PTPRD: variants seen among roughly 807,000 people sequenced by gnomAD.
PTPRD encodes the protein receptor-type tyrosine-protein phosphatase delta.
Under a neutral mutation model 214.5 loss-of-function variants are expected in PTPRD, and 34 were observed. That is an observed-to-expected ratio of 0.16 (90% CI 0.12 to 0.21). PTPRD has a LOEUF of 0.21. PTPRD is among the 10% of genes least tolerant of loss of function. The probability of loss-of-function intolerance (pLI) is 1.00; values close to 1 mark genes in which losing one functional copy is unlikely to be tolerated. For missense variants in PTPRD, 2,545 were observed against 2,398.7 expected, an observed-to-expected ratio of 1.06 and a Z score of -1.27; for synonymous variants, 1,128 against 845.7, an observed-to-expected ratio of 1.33 and a Z score of -5.79.
Position 9,585,771 on chromosome 9 carries a change from T to C in PTPRD, c.-286-10990A>G, listed in dbSNP as rs114634078. ...GGTACTATTTATTTGCAGTTGGCTA[T>C]AGCAAGGGATTCAGCCATGCATCAT... On this transcript the variant is annotated intron_variant, in intron 7 of 45. Transcript: ENST00000381196. Among the ~76,000 whole-genome samples, 1,388 of 152,010 alleles carry C rather than the reference T, an allele frequency of 9.1e-3. 22 individuals carry two copies. The highest frequency in any genetic ancestry group is 0.032 in the African/African-American group (1,317 of 41,414).
At chr9:9,523,635 C>T (rs928740456) in intron 8 of PTPRD, among the ~76,000 whole-genome samples, 1 of 152,064 alleles carries the variant, frequency 6.6e-6, no homozygotes, top group Non-Finnish European at 1.5e-5. Flanking sequence ...CTTTCCAAAG[C>T]AAACTATGAA....
chr9:9,077,707 G>A (rs938607832), intron 10 of PTPRD, among the ~76,000 whole-genome samples: 1 of 151,928 alleles, frequency 6.6e-6, no homozygotes, highest in African/African-American at 2.4e-5. Context: ...GGGGAGGGAG[G>A]AGTAGTCACA....
Position 8,994,236 on chromosome 9 carries a change from A to G in PTPRD, c.-104+24461T>C, listed in dbSNP as rs567638330. Among the ~76,000 whole-genome samples, 11 of 152,204 alleles carry G rather than the reference A, an allele frequency of 7.2e-5. No homozygotes were observed. The East Asian group carries it at 1.7e-3, about 24-fold the overall frequency. On this transcript the variant is annotated intron_variant, in intron 11 of 45. Coordinates refer to ENST00000381196, the MANE Select transcript of PTPRD (RefSeq NM_002839.4). ...AATAACTTGCTTAATTTGACTTTGC[A>G]TTCGTACTGAAATTCTACCAAATAG... is the stretch of plus-strand genomic sequence containing the variant.
At chr9:9,964,411 G>A (rs1020918469) in intron 4 of PTPRD, among the ~76,000 whole-genome samples, 17 of 152,258 alleles carry the variant, frequency 1.1e-4, no homozygotes, top group African/African-American at 3.1e-4. Context: ...GAATGAGAAT[G>A]TTTTCTTTCC....
At chr9:9,084,459 A>T (rs2099764043) in intron 10 of PTPRD, among the ~76,000 whole-genome samples, 1 of 152,118 alleles carries the variant, frequency 6.6e-6, no homozygotes, top group African/African-American at 2.4e-5. Flanking sequence ...TGCAGATGAC[A>T]GGTTGATGGG....
chr9:8,989,376 T>A (rs962031464), intron 11 of PTPRD, among the ~76,000 whole-genome samples: 4 of 152,114 alleles, frequency 2.6e-5, no homozygotes, highest in Admixed American at 2.6e-4. Context: ...CTTTTGCTTC[T>A]CAGCCTCTAG....
intron 8 of PTPRD, among the ~76,000 whole-genome samples, chr9:9,524,938 A>C (rs992619694): frequency 2.0e-5 from 3 of 152,142 alleles, no homozygotes; most frequent in Non-Finnish European, 2.9e-5. Context: ...GCTCACTGCA[A>C]GCTCCGCCTT....
intron 9 of PTPRD, among the ~76,000 whole-genome samples, chr9:9,250,701 C>G (rs986909846): frequency 2.0e-5 from 3 of 151,910 alleles, no homozygotes; most frequent in Non-Finnish European, 2.9e-5. Context: ...CTTTTTGGGA[C>G]TCTGCAATTG....
intron 3 of PTPRD, among the ~76,000 whole-genome samples, chr9:10,192,419 A>T (rs1011456466): frequency 6.9e-6 from 1 of 145,832 alleles, no homozygotes; most frequent in African/African-American, 2.6e-5. Flanking sequence ...GGTAGAAGTC[A>T]AAGTATTGGC....
At chr9:9,526,292 T>C (rs1195241136) in intron 8 of PTPRD, among the ~76,000 whole-genome samples, 3 of 152,194 alleles carry the variant, frequency 2.0e-5, no homozygotes, top group African/African-American at 4.8e-5. Context: ...TTTATGACTA[T>C]TTACATACAC....
chr9:9,818,270 A>C (rs1177380676), intron 5 of PTPRD, among the ~76,000 whole-genome samples: 2 of 152,166 alleles, frequency 1.3e-5, no homozygotes, highest in East Asian at 3.9e-4. Flanking sequence ...TATCCCCTAG[A>C]CAATATTACA....
chr9:8,659,923 T>C (rs1310430063), intron 12 of PTPRD, among the ~76,000 whole-genome samples: 1 of 152,058 alleles, frequency 6.6e-6, no homozygotes, highest in African/African-American at 2.4e-5. Flanking sequence ...GAAGAATAAA[T>C]GTAGAGAGAG....
chr9:9,796,667 G>A (rs796687098), intron 5 of PTPRD, among the ~76,000 whole-genome samples: 16 of 152,252 alleles, frequency 1.1e-4, no homozygotes, highest in African/African-American at 3.8e-4. Flanking sequence ...ATTCAAAAAG[G>A]TAGGCAAGAA....
At position 8,694,733 on chromosome 9, in the gene PTPRD, A is replaced by G. The variant is rs775938753; in HGVS notation, c.64+39047T>C. Among the ~76,000 whole-genome samples, 19 of 152,282 alleles carry G rather than the reference A, an allele frequency of 1.2e-4. 1 individual carries two copies. The highest frequency in any genetic ancestry group is 4.1e-4 in the South Asian group (2 of 4,822). Reference sequence around the variant, plus strand: ...TTTAAGCTGCATATAATAAATACCTATTATTCATGGGTGTTGGCAAATCTG... The same window carrying G: ...TTTAAGCTGCATATAATAAATACCTGTTATTCATGGGTGTTGGCAAATCTG... On this transcript the variant is annotated intron_variant, in intron 12 of 45. Coordinates refer to ENST00000381196, the MANE Select transcript of PTPRD (RefSeq NM_002839.4).
chr9:9,102,605 C>T (rs551341635), intron 10 of PTPRD, among the ~76,000 whole-genome samples: 10 of 152,214 alleles, frequency 6.6e-5, no homozygotes, highest in Non-Finnish European at 1.5e-4. Flanking sequence ...GCTTTCCCAC[C>T]AGGGTGGCTG....
At chr9:10,016,393 A>ATAGATAGATAGATAGATAGATAGG (rs56040812) in intron 4 of PTPRD, among the ~76,000 whole-genome samples, 13 of 149,902 alleles carry the variant, frequency 8.7e-5, no homozygotes, top group Non-Finnish European at 1.3e-4. Flanking sequence ...AGATAGATAG[A>ATAGATAGATAGATAGATAGATAGG]TAGACAGATA....
chr9:10,285,367 C>T (rs1284553184), intron 3 of PTPRD, among the ~76,000 whole-genome samples: 2 of 151,986 alleles, frequency 1.3e-5, no homozygotes, highest in East Asian at 1.9e-4. Flanking sequence ...AGCATTTTGT[C>T]GGGGTTCAGA....
chr9:10,045,890 A>G (rs1038924343), intron 3 of PTPRD, among the ~76,000 whole-genome samples: 2 of 151,750 alleles, frequency 1.3e-5, no homozygotes, highest in Non-Finnish European at 3.0e-5. Context: ...TCACAATTGT[A>G]TGATACCTCA....
At chr9:8,813,151 T>A (rs1301651553) in intron 11 of PTPRD, among the ~76,000 whole-genome samples, 2 of 152,106 alleles carry the variant, frequency 1.3e-5, no homozygotes, top group African/African-American at 4.8e-5. Flanking sequence ...TGTGTTCAAT[T>A]CTGGGCAGTA....
Sources: allele counts gnomAD v4.1 joint callset (sites outside exome capture counted in the v4.1 genomes callset), GRCh38; gene constraint gnomAD v4.1.1; transcripts MANE v1.5; gene names NCBI Gene and HGNC (gene_info 2026-07-23, HGNC 2026-07-21).